The following HECW1 variants were observed in gnomAD, a reference collection of about 807,000 sequenced individuals.
HECW1 encodes HECT, C2 and WW domain containing E3 ubiquitin protein ligase 1.
In HECW1, 61 loss-of-function variants were observed where a neutral mutation model predicts 182.3. The observed-to-expected ratio is 0.33, with a 90% CI of 0.27 to 0.41. HECW1 has a LOEUF of 0.41. HECW1 is among the 10% of genes least tolerant of loss of function. The pLI is 1.00. For synonymous variants in HECW1, 859 were observed against 832.6 expected, an observed-to-expected ratio of 1.03 and a Z score of -0.55; for missense variants, 1,739 against 2,108.9, an observed-to-expected ratio of 0.82 and a Z score of 3.44.
chr7:43,178,194 C>T (rs988828301), intron 2 of HECW1, among the ~76,000 whole-genome samples: 8 of 152,108 alleles, frequency 5.3e-5, no homozygotes, highest in African/African-American at 1.7e-4. Context: ...TTAGTAGAGA[C>T]GAGGTTTCAC....
chr7:43,132,536 TTCTC>T (rs1562579784), intron 2 of HECW1, among the ~76,000 whole-genome samples: 3 of 149,818 alleles, frequency 2.0e-5, no homozygotes, highest in Non-Finnish European at 4.4e-5. Flanking sequence ...CTCTCTCTCT[TTCTC>T]TCTTTCTCTC....
intron 2 of HECW1, chr7:43,207,931 G>T (rs1795639927): frequency 6.6e-6 from 1 of 152,116 alleles, no homozygotes; most frequent in Non-Finnish European, 1.5e-5. Context: ...TTTATGGTCT[G>T]CAGATTTGTT....
chr7:43,485,941 G>GCCTCC (rs1380502302), intron 17 of HECW1, among the ~76,000 whole-genome samples: 5 of 152,122 alleles, frequency 3.3e-5, no homozygotes, highest in African/African-American at 1.2e-4. Context: ...CATGTGCCAT[G>GCCTCC]TGGGTTTGCT....
chr7:43,316,830 T>G (rs71540516), intron 4 of HECW1, among the ~76,000 whole-genome samples: 1 of 59,844 alleles, frequency 1.7e-5, no homozygotes, highest in South Asian at 6.4e-4. Context: ...CTCTACTCTC[T>G]TCTTTCCTCT....
chr7:43,541,846 C>T, intron 25 of HECW1, 23 bp from the exon 26 acceptor site: 2 of 1,437,110 alleles, frequency 1.4e-6, no homozygotes, highest in East Asian at 2.5e-5. Context: ...TGGTAATTTG[C>T]CTTTCTCACT....
At chr7:43,408,456 G>C (rs1365766132) in intron 8 of HECW1, among the ~76,000 whole-genome samples, 2 of 151,702 alleles carry the variant, frequency 1.3e-5, no homozygotes, top group East Asian at 3.9e-4. Flanking sequence ...GCTAGGGCAG[G>C]TGAATCGCTT....
chr7:43,407,617 G>C lies in HECW1; in HGVS notation c.687G>C (p.Leu229=), dbSNP rs1470727147. Residue 229 remains leucine (L), a synonymous_variant, in exon 8 of 30, where the codon CTG becomes CTC. Coordinates refer to ENST00000395891, the MANE Select transcript of HECW1 (RefSeq NM_015052.5). ...KGMFFNPDPY[L]KISIQPGKHS... ...TGTTTTTCAACCCAGACCCTTATCT[G>C]AAGATTTCCATTCAGCCTGGGAAAC... is the stretch of plus-strand genomic sequence containing the variant. 6.2e-7 allele frequency: 1 copy of C among 1,613,726 alleles called. No individual in the cohort carries two copies. Among genetic ancestry groups the C allele is most frequent in the Non-Finnish European group, 8.5e-7 (1 of 1,179,836 alleles).
intron 16 of HECW1, among the ~76,000 whole-genome samples, chr7:43,476,559 T>C (rs982044647): frequency 2.0e-5 from 3 of 152,062 alleles, no homozygotes; most frequent in Non-Finnish European, 4.4e-5. Context: ...TAAGAAAATA[T>C]TGGAAAAGAA....
At chr7:43,471,545 A>G (rs1440643358) in intron 16 of HECW1, among the ~76,000 whole-genome samples, 7 of 152,254 alleles carry the variant, frequency 4.6e-5, no homozygotes, top group Admixed American at 1.3e-4. Context: ...AGAGGTAAGC[A>G]GCTCAGAGCT....
chr7:43,471,279 A>G (rs1011937208), intron 16 of HECW1, among the ~76,000 whole-genome samples: 1 of 152,212 alleles, frequency 6.6e-6, no homozygotes, highest in African/African-American at 2.4e-5. Flanking sequence ...TGGAAAGGAT[A>G]TGCTGCACAG....
chr7:43,451,189 G>A (rs1182713778), intron 12 of HECW1, among the ~76,000 whole-genome samples: 1 of 152,158 alleles, frequency 6.6e-6, no homozygotes, highest in Non-Finnish European at 1.5e-5. Flanking sequence ...GAAATGGAGA[G>A]CATTTCTCTG....
At chr7:43,445,730 G>A (rs1239956352) in intron 11 of HECW1, among the ~76,000 whole-genome samples, 160 bp downstream of exon 11, 3 of 152,240 alleles carry the variant, frequency 2.0e-5, no homozygotes, top group Admixed American at 1.3e-4. Context: ...GTGTATCTGT[G>A]TATGAGCATA....
intron 7 of HECW1, among the ~76,000 whole-genome samples, chr7:43,399,625 C>T (rs2075339114): frequency 6.6e-6 from 1 of 152,174 alleles, no homozygotes; most frequent in Non-Finnish European, 1.5e-5. Context: ...TTGCCTCTGC[C>T]ATGAAGACAT....
chr7:43,444,177 C>T lies in HECW1; in HGVS notation c.1046-41C>T. 6.4e-7 allele frequency: 1 copy of T among 1,556,180 alleles called. No individual in the cohort carries two copies. The highest frequency in any genetic ancestry group is 8.7e-7 in the Non-Finnish European group (1 of 1,147,362). On this transcript the variant is annotated intron_variant, in intron 10 of 29. Transcript: ENST00000395891. This position sits in a 1 kb window ranked among gnomAD's most constrained non-coding sequence, Gnocchi z 4.3. ...CAGGGTATCCTAACACCACAATGCT[C>T]TCTTCTGGGAGAAATGACATATTTT...
intron 4 of HECW1, among the ~76,000 whole-genome samples, chr7:43,315,730 T>G (rs7778944): frequency 0.15 from 23,336 of 151,920 alleles, 5,796 homozygotes; most frequent in African/African-American, 0.52. Flanking sequence ...CTGACCTCAG[T>G]TGATCCACCC....
chr7:43,250,348 C>T (rs1360919349), intron 3 of HECW1, among the ~76,000 whole-genome samples: 1 of 152,104 alleles, frequency 6.6e-6, no homozygotes, highest in African/African-American at 2.4e-5. Flanking sequence ...GGAGCATGGA[C>T]CAGTCATTCC....
At chr7:43,197,671 C>A (rs1335030506) in intron 2 of HECW1, among the ~76,000 whole-genome samples, 1 of 152,136 alleles carries the variant, frequency 6.6e-6, no homozygotes, top group Non-Finnish European at 1.5e-5. Context: ...CAGGACTCTG[C>A]CCACTGGGAG....
chr7:43,455,290 A>G (rs2077364635), intron 12 of HECW1, among the ~76,000 whole-genome samples: 1 of 152,192 alleles, frequency 6.6e-6, no homozygotes, highest in African/African-American at 2.4e-5. Context: ...CGTGTTGAAT[A>G]TACACTGTTA....
intron 18 of HECW1, among the ~76,000 whole-genome samples, chr7:43,492,584 A>G (rs1225409204): frequency 6.6e-6 from 1 of 152,206 alleles, no homozygotes; most frequent in African/African-American, 2.4e-5. Flanking sequence ...GTCCATTCCT[A>G]ACTTCAGCCA....
Sources: allele counts gnomAD v4.1 joint callset (sites outside exome capture counted in the v4.1 genomes callset), GRCh38; gene constraint gnomAD v4.1.1; non-coding constraint Gnocchi (gnomAD v3.1); transcripts MANE v1.5; gene names NCBI Gene and HGNC (gene_info 2026-07-23, HGNC 2026-07-21).